GJA5: variants seen among roughly 807,000 people sequenced by gnomAD.
GJA5 encodes the protein gap junction protein alpha 5.
Under a neutral mutation model 7.9 loss-of-function variants are expected in GJA5, and 3 were observed. The ratio of observed to expected loss-of-function variants is 0.38; its 90% CI spans 0.17 to 0.99. The LOEUF (loss-of-function observed/expected upper bound fraction) is 0.99, where lower values mean the gene tolerates loss of function less well. Ranked by LOEUF, GJA5 falls within the 50% of genes least tolerant of loss-of-function variation. The pLI, the probability that GJA5 is intolerant of heterozygous loss-of-function variation, is 0.38. For missense variants in GJA5, 390 were observed against 457.9 expected, an observed-to-expected ratio of 0.85 and a Z score of 1.35; for synonymous variants, 193 against 181.0, an observed-to-expected ratio of 1.07 and a Z score of -0.53.
chr1:147,769,722 T>C (rs1306208961), intron 1 of GJA5, among the ~76,000 whole-genome samples: 1 of 151,988 alleles, frequency 6.6e-6, no homozygotes, highest in Non-Finnish European at 1.5e-5. Context: ...ATGGAAAGTA[T>C]AGGAATTTGT....
intron 1 of GJA5, among the ~76,000 whole-genome samples, chr1:147,766,359 C>A (rs1381996445): frequency 6.6e-6 from 1 of 152,122 alleles, no homozygotes; most frequent in African/African-American, 2.4e-5. Context: ...ACACCTAATG[C>A]CAAATTGATC....
At chr1:147,759,471 T>A (rs782624911) in intron 1 of GJA5, among the ~76,000 whole-genome samples, 200 bp from the exon 2 acceptor site, 1 of 152,214 alleles carries the variant, frequency 6.6e-6, no homozygotes, top group Non-Finnish European at 1.5e-5. Flanking sequence ...AGATTCAAAG[T>A]AGCCATATTA....
chr1:147,765,541 G>A (rs1553228065), upstream of GJA5, among the ~76,000 whole-genome samples: 1 of 152,196 alleles, frequency 6.6e-6, no homozygotes, highest in African/African-American at 2.4e-5. Flanking sequence ...TGGAGGAGTT[G>A]CAGAAGAGAT....
chr1:147,765,485 G>A (rs1224549189), upstream of GJA5, among the ~76,000 whole-genome samples: 1 of 152,200 alleles, frequency 6.6e-6, no homozygotes, highest in Non-Finnish European at 1.5e-5. Flanking sequence ...GATAACTCTG[G>A]TGTAGGAGTT....
chr1:147,769,517 A>G (rs1664322928), intron 1 of GJA5, among the ~76,000 whole-genome samples: 1 of 152,208 alleles, frequency 6.6e-6, no homozygotes, highest in South Asian at 2.1e-4. Context: ...AGTATCTGGC[A>G]TATAGGCACT....
At chr1:147,770,482 A>G (rs1323751910) in intron 1 of GJA5, among the ~76,000 whole-genome samples, 2 of 152,162 alleles carry the variant, frequency 1.3e-5, no homozygotes. Context: ...CCTCCTTGGA[A>G]TTATATGTCG....
intron 1 of GJA5, chr1:147,773,180 C>T (rs1410220481): frequency 3.9e-5 from 6 of 152,222 alleles, no homozygotes; most frequent in African/African-American, 1.4e-4. Flanking sequence ...AGCCTAGAAT[C>T]CAAGCTCCCT....
At chr1:147,762,319 C>T (rs1664047684), upstream of GJA5, among the ~76,000 whole-genome samples, 1 of 152,164 alleles carries the variant, frequency 6.6e-6, no homozygotes, top group Non-Finnish European at 1.5e-5. Flanking sequence ...GTTTTCCACA[C>T]TCAGTCCCTG....
chr1:147,764,474 C>G (rs1664128680), upstream of GJA5, among the ~76,000 whole-genome samples: 1 of 152,176 alleles, frequency 6.6e-6, no homozygotes, highest in Non-Finnish European at 1.5e-5. Context: ...GTAATGAGAA[C>G]AGTACCAAAG....
Position 147,758,488 on chromosome 1 carries a change from A to G in GJA5, c.751T>C (p.Ser251Pro), listed in dbSNP as rs782633994. 1.5e-5 allele frequency: 25 copies of G among 1,614,112 alleles called. No homozygotes were observed. In the South Asian group the frequency reaches 2.7e-4, roughly 18 times the overall value. The change falls in exon 2 of 2, where the codon TCT becomes CCT. Residue 251 changes from serine to proline, a missense_variant. By Grantham distance (74) the Ser-to-Pro change is moderately conservative. Coordinates refer to ENST00000579774, the MANE Select transcript of GJA5 (RefSeq NM_181703.4). ...TGGACTATGCCCACAGAGGGGCCAGAAAGCTGGCACTTAGCCATGTGCTGC... is the reference window on the plus strand; with the variant it reads ...TGGACTATGCCCACAGAGGGGCCAGGAAGCTGGCACTTAGCCATGTGCTGC... ...PRQHMAKCQL[S>P]GPSVGIVQSC...
rs1553226518 is a variant in GJA5, at chr1:147,756,895, A to T, written c.*1267T>A. The T allele has an allele frequency of 6.6e-6, 1 of 152,178 alleles. No homozygotes were observed. Among genetic ancestry groups the T allele is most frequent in the African/African-American group, 2.4e-5 (1 of 41,426 alleles). The allele number at this position is 152,178 out of a possible 1,614,324, so 9.4% of individuals were successfully genotyped here. A position where few individuals can be genotyped will look rare whatever the true frequency, so the allele number is the denominator to read the frequency against. Reference sequence around the variant, plus strand: ...CCCACTTGGCAGTCTCATTAGGGGCACTAGGGAGACATAGGAATCTCTGCG... The same window carrying T: ...CCCACTTGGCAGTCTCATTAGGGGCTCTAGGGAGACATAGGAATCTCTGCG... On this transcript the variant is annotated 3_prime_UTR_variant, in exon 2 of 2. Coordinates refer to ENST00000579774, the MANE Select transcript of GJA5 (RefSeq NM_181703.4).
At chr1:147,761,636 G>A (rs143030042), upstream of GJA5, among the ~76,000 whole-genome samples, 44 of 152,296 alleles carry the variant, frequency 2.9e-4, 1 homozygote, top group East Asian at 6.6e-3. Flanking sequence ...GTGGCGAAGC[G>A]CCCCCTCTTT....
At chr1:147,766,612 A>C (rs1002479879) in intron 1 of GJA5, among the ~76,000 whole-genome samples, 1 of 152,158 alleles carries the variant, frequency 6.6e-6, no homozygotes, top group Non-Finnish European at 1.5e-5. Flanking sequence ...AAATTCCATC[A>C]CTGTGGACTA....
chr1:147,765,983 G>A (rs587644961), intron 1 of GJA5, among the ~76,000 whole-genome samples: 1 of 152,276 alleles, frequency 6.6e-6, no homozygotes, highest in East Asian at 1.9e-4. Context: ...GGGATGCCTT[G>A]AAAATTCTCT....
At chr1:147,772,938 T>A (rs1379979049) in intron 1 of GJA5, among the ~76,000 whole-genome samples, 1 of 152,200 alleles carries the variant, frequency 6.6e-6, no homozygotes, top group Non-Finnish European at 1.5e-5. Flanking sequence ...GGGAATGGAC[T>A]GGTGACCCAC....
At position 147,768,483 on chromosome 1, in the gene GJA5, G is replaced by A. The variant is rs148657638; in HGVS notation, c.-34+4769C>T. 4.3e-4 allele frequency among the ~76,000 whole-genome samples: 65 copies of A among 152,274 alleles called. 2 individuals carry two copies. The East Asian group carries it at 0.013, about 29-fold the overall frequency. ...AAATATTGGTAGGTCCTTATTAATT[G>A]CTCCAAGGGGGTAACTTAGTACCCA... is the stretch of plus-strand genomic sequence containing the variant. On this transcript the variant is annotated intron_variant, in intron 1 of 1. Transcript: ENST00000430508.
intron 1 of GJA5, among the ~76,000 whole-genome samples, chr1:147,767,862 G>C (rs587712565): frequency 2.4e-4 from 37 of 152,324 alleles, no homozygotes; most frequent in African/African-American, 8.9e-4. Context: ...ACCAGTCAAA[G>C]GCTGGCCACT....
At position 147,758,913 on chromosome 1, in the gene GJA5, C is replaced by A; in HGVS notation, c.326G>T (p.Arg109Leu). ...GACCTCTTTGGCCCTCTCGGCCTCC[C>A]GTAGCTTGCGCTTCTCCTGCATGCG... ...TVRMQEKRKLREAERAKEVRG... is the reference protein window; with the variant it reads ...TVRMQEKRKLLEAERAKEVRG... The change falls in exon 2 of 2, where the codon CGG (arginine) becomes CTG (leucine). Residue 109 changes from arginine to leucine, a missense_variant. Arg to Leu is a moderately radical substitution (Grantham distance 102, BLOSUM62 -2). This residue lies in a region of GJA5 where 354 missense variants were observed against 370.9 expected (regional missense o/e 0.95). Coordinates refer to ENST00000579774, the MANE Select transcript of GJA5 (RefSeq NM_181703.4). 2 of 1,614,218 alleles carry A rather than the reference C, an allele frequency of 1.2e-6. No individual in the cohort carries two copies. Among genetic ancestry groups the A allele is most frequent in the Non-Finnish European group, 1.7e-6 (2 of 1,180,040 alleles).
chr1:147,765,163 T>G (rs1465982531), upstream of GJA5, among the ~76,000 whole-genome samples: 1 of 152,232 alleles, frequency 6.6e-6, no homozygotes, highest in Non-Finnish European at 1.5e-5. Context: ...TCTTGTTGGT[T>G]CCAAGAGAGC....
Sources: gnomAD v4.1 joint callset for allele counts (sites outside exome capture counted in the v4.1 genomes callset) on GRCh38, gnomAD v4.1.1 for gene constraint, gnomAD v4.1.1 regional missense constraint, MANE v1.5 for transcripts, NCBI Gene and HGNC (gene_info 2026-07-23, HGNC 2026-07-21) for gene names.